Variants in LRRC28 observed in about 807,000 individuals in gnomAD.
LRRC28 encodes leucine-rich repeat-containing protein 28.
Under a neutral mutation model 45.7 loss-of-function variants are expected in LRRC28, and 39 were observed. That is an observed-to-expected ratio of 0.85 (90% CI 0.66 to 1.12). The LOEUF is 1.12. LRRC28 is among the 50% of genes most tolerant of loss of function. The pLI is 0.00. For missense variants in LRRC28, 435 were observed against 438.5 expected (o/e 0.99, Z 0.07); for synonymous variants, 206 against 178.8 (o/e 1.15, Z -1.22).
At chr15:99,277,502 AAT>A (rs1472315441) in intron 3 of LRRC28, among the ~76,000 whole-genome samples, 1 of 152,122 alleles carries the variant, frequency 6.6e-6, no homozygotes, top group African/African-American at 2.4e-5. Context: ...TTACAGACAT[AAT>A]GTCATTATCA....
chr15:99,271,562 C>T lies in LRRC28; in HGVS notation c.169-5014C>T, dbSNP rs12592035. On this transcript the variant is annotated intron_variant, in intron 2 of 9. Transcript: ENST00000301981. ...AAAGTGCTGGAATTACAGGCGTGAG[C>T]CACCGCATCCAGCCCTATTTTTCTT... 3.9e-5 allele frequency among the ~76,000 whole-genome samples: 6 copies of T among 152,024 alleles called. No homozygotes were observed. The East Asian group carries it at 1.2e-3, about 30-fold the overall frequency.
chr15:99,326,424 C>G (rs1401823878), intron 5 of LRRC28: 1 of 152,138 alleles, frequency 6.6e-6, no homozygotes, highest in Non-Finnish European at 1.5e-5. Flanking sequence ...GCAAGACAGT[C>G]CCTGCCCTTT....
intron 5 of LRRC28, among the ~76,000 whole-genome samples, chr15:99,318,414 C>G (rs1171965481): frequency 1.3e-5 from 2 of 151,748 alleles, no homozygotes; most frequent in Non-Finnish European, 2.9e-5. Context: ...TGAGGAGGCA[C>G]CATTAAATAA....
At chr15:99,263,083 G>A (rs2081241764) in intron 2 of LRRC28, among the ~76,000 whole-genome samples, 1 of 151,262 alleles carries the variant, frequency 6.6e-6, no homozygotes, top group African/African-American at 2.4e-5. Flanking sequence ...GCTGAGGCAG[G>A]CGGATCACTT....
At chr15:99,320,606 A>G (rs781772589) in intron 5 of LRRC28, 5 of 152,190 alleles carry the variant, frequency 3.3e-5, no homozygotes, top group Non-Finnish European at 5.9e-5. Context: ...TGCAGCTATA[A>G]TGGAGTGTAA....
intron 2 of LRRC28, among the ~76,000 whole-genome samples, chr15:99,263,794 G>T (rs963485141): frequency 6.6e-6 from 1 of 152,290 alleles, no homozygotes. Context: ...GTGTGTATTT[G>T]TTGAGTACTT....
chr15:99,277,305 C>G (rs1247043923), intron 3 of LRRC28, among the ~76,000 whole-genome samples: 1 of 151,906 alleles, frequency 6.6e-6, no homozygotes, highest in East Asian at 1.9e-4. Flanking sequence ...TTCCTTTGTC[C>G]CATCCTTTCA....
intron 5 of LRRC28, among the ~76,000 whole-genome samples, chr15:99,331,687 T>G (rs56257448): frequency 0.11 from 16,732 of 152,004 alleles, 1,020 homozygotes; most frequent in African/African-American, 0.17. Context: ...CACCAAGCTC[T>G]CTCTCTCTCT....
intron 5 of LRRC28, among the ~76,000 whole-genome samples, chr15:99,332,245 C>T (rs775108906): frequency 3.3e-5 from 5 of 152,016 alleles, no homozygotes; most frequent in African/African-American, 9.7e-5. Flanking sequence ...TGGAGCCAAG[C>T]GTGAAATTGA....
chr15:99,329,318 A>G (rs181438675), intron 5 of LRRC28, among the ~76,000 whole-genome samples: 201 of 152,310 alleles, frequency 1.3e-3, no homozygotes, highest in African/African-American at 4.7e-3. Context: ...GAACACAACC[A>G]CCCTCCAAAT....
intron 5 of LRRC28, among the ~76,000 whole-genome samples, chr15:99,331,693 T>A (rs1266585571): frequency 1.3e-5 from 2 of 152,120 alleles, no homozygotes; most frequent in African/African-American, 4.8e-5. Flanking sequence ...GCTCTCTCTC[T>A]CTCTCTCTGT....
At chr15:99,361,533 C>T in intron 8 of LRRC28, 22 bp downstream of exon 8, 1 of 1,555,116 alleles carries the variant, frequency 6.4e-7, no homozygotes, top group South Asian at 1.2e-5. Context: ...TTCTGGTTTT[C>T]TTATTTTTCT....
Position 99,386,223 on chromosome 15 carries a change from C to T in LRRC28, c.*121C>T. 1 of 764,360 alleles carries T rather than the reference C, an allele frequency of 1.3e-6. No homozygotes were observed. Among genetic ancestry groups the T allele is most frequent in the East Asian group, 2.5e-5 (1 of 39,514 alleles). 47.3% of individuals were successfully genotyped at this position (764,360 alleles called of 1,614,324 possible). ...GCACTGCAGAACTCTCTAGAAATGT[C>T]ATGATTGAGCTTCAGAGCTAAAATG... On this transcript the variant is annotated 3_prime_UTR_variant, in exon 10 of 10. Transcript: ENST00000301981.
chr15:99,312,743 T>C (rs915684600), intron 5 of LRRC28, among the ~76,000 whole-genome samples: 1 of 152,128 alleles, frequency 6.6e-6, no homozygotes, highest in Admixed American at 6.6e-5. Context: ...CAACTCTCAG[T>C]AGGTGATAGG....
chr15:99,260,027 C>T (rs1298377884), intron 2 of LRRC28: 1 of 579,140 alleles, frequency 1.7e-6, no homozygotes, highest in African/African-American at 1.9e-5. Context: ...GTAAATTATA[C>T]TCTCATCGTT....
At chr15:99,334,451 A>G (rs964639941) in intron 6 of LRRC28, among the ~76,000 whole-genome samples, 9 of 148,000 alleles carry the variant, frequency 6.1e-5, no homozygotes, top group African/African-American at 2.3e-4. Flanking sequence ...AAGGTATTGA[A>G]CAATATGAAA....
chr15:99,292,658 C>G (rs971121899), intron 5 of LRRC28, among the ~76,000 whole-genome samples: 1 of 152,224 alleles, frequency 6.6e-6, no homozygotes, highest in Admixed American at 6.5e-5. Context: ...GCCACCGCGC[C>G]CAGCCTCGTA....
chr15:99,320,344 T>C (rs557281344), intron 5 of LRRC28, among the ~76,000 whole-genome samples: 8 of 152,324 alleles, frequency 5.3e-5, no homozygotes, highest in African/African-American at 1.9e-4. Flanking sequence ...TCAAAAGTTA[T>C]GAATATATAG....
chr15:99,359,286 C>T (rs1180657494), intron 7 of LRRC28, among the ~76,000 whole-genome samples: 3 of 151,954 alleles, frequency 2.0e-5, no homozygotes, highest in Admixed American at 6.6e-5. Flanking sequence ...ACATTTTTGT[C>T]GATAAATATT....
Sources: gnomAD v4.1 joint callset for allele counts (sites outside exome capture counted in the v4.1 genomes callset) on GRCh38, gnomAD v4.1.1 for gene constraint, MANE v1.5 for transcripts, NCBI Gene and HGNC (gene_info 2026-07-23, HGNC 2026-07-21) for gene names.